SPAG17: variants seen among roughly 807,000 people sequenced by gnomAD.
SPAG17 encodes sperm-associated antigen 17.
A neutral mutation model predicts 273.6 loss-of-function variants in SPAG17; 169 were observed. That is an observed-to-expected ratio of 0.62 (90% CI 0.55 to 0.70). SPAG17 has a LOEUF of 0.70. SPAG17 is among the 30% of genes least tolerant of loss of function. The pLI, the probability that SPAG17 is intolerant of heterozygous loss-of-function variation, is 0.00. For missense variants in SPAG17, 2,557 were observed against 2,627.8 expected, an observed-to-expected ratio of 0.97 and a Z score of 0.59; for synonymous variants, 825 against 873.2, an observed-to-expected ratio of 0.94 and a Z score of 0.97.
chr1:118,143,676 A>C lies in SPAG17; in HGVS notation c.315+6867T>G, dbSNP rs1461569372. Among the ~76,000 whole-genome samples the C allele has an allele frequency of 2.0e-5, 3 of 152,222 alleles. No individual in the cohort carries two copies. In the East Asian group the frequency reaches 5.8e-4, roughly 29 times the overall value. ...CCATATGTAATTATTGATTTTTCAC[A>C]GTTTTAAATACAGAAACAGAATGAT... On this transcript the variant is annotated intron_variant, in intron 3 of 48. Coordinates refer to ENST00000336338, the MANE Select transcript of SPAG17 (RefSeq NM_206996.4).
Position 118,074,560 on chromosome 1 carries a change from T to G in SPAG17, c.2250A>C (p.Thr750=). Residue 750 remains threonine, a synonymous_variant, in exon 16 of 49, where the codon ACA becomes ACC. Coordinates refer to ENST00000336338, the MANE Select transcript of SPAG17 (RefSeq NM_206996.4). ...TTACCTTTTCATGAGAATCAGCCTT[T>G]GTGACTGCATCATCTTTGATCTCAT... ...TNNEIKDDAV[T]KADSHEKKPK... 1 of 1,613,792 alleles carries G rather than the reference T, an allele frequency of 6.2e-7. No homozygotes were observed. Among genetic ancestry groups the G allele is most frequent in the Non-Finnish European group, 8.5e-7 (1 of 1,179,796 alleles).
chr1:118,118,134 G>C (rs564093156), intron 3 of SPAG17, among the ~76,000 whole-genome samples: 37 of 152,308 alleles, frequency 2.4e-4, no homozygotes, highest in Non-Finnish European at 5.9e-5. Context: ...ACAAGTTTTT[G>C]AGGGAAGAAA....
At chr1:118,174,491 C>A (rs1303827394) in intron 1 of SPAG17, among the ~76,000 whole-genome samples, 5 of 151,998 alleles carry the variant, frequency 3.3e-5, no homozygotes, top group African/African-American at 9.7e-5. Context: ...AGGGATACCA[C>A]CAGGCAGACC....
chr1:118,092,931 A>G (rs1278116254), intron 8 of SPAG17, among the ~76,000 whole-genome samples: 1 of 152,192 alleles, frequency 6.6e-6, no homozygotes, highest in Non-Finnish European at 1.5e-5. Flanking sequence ...GATGTTATTC[A>G]TTGTACCAAG....
chr1:118,036,261 C>T (rs1571304496), intron 24 of SPAG17, among the ~76,000 whole-genome samples: 1 of 152,056 alleles, frequency 6.6e-6, no homozygotes, highest in South Asian at 2.1e-4. Flanking sequence ...AGAAATCTTT[C>T]AATATGTCCA....
intron 1 of SPAG17, among the ~76,000 whole-genome samples, chr1:118,161,767 C>T (rs1467928345): frequency 6.6e-6 from 1 of 152,184 alleles, no homozygotes; most frequent in Non-Finnish European, 1.5e-5. Flanking sequence ...GATCTCCTGA[C>T]CTCATGATCT....
intron 43 of SPAG17, 67 bp downstream of exon 43, chr1:117,981,203 C>T: frequency 6.8e-7 from 1 of 1,468,852 alleles, no homozygotes; most frequent in South Asian, 1.5e-5. Context: ...CTAGCGCCAT[C>T]TCCCATATGC....
At position 117,983,807 on chromosome 1, in the gene SPAG17, T is replaced by C. The variant is rs758399232; in HGVS notation, c.5872+4A>G. 8 of 1,586,696 alleles carry C rather than the reference T, an allele frequency of 5.0e-6. No individual in the cohort carries two copies. The Middle Eastern group carries it at 5.0e-4, about 99-fold the overall frequency. On this transcript the variant is annotated splice_donor_region_variant and intron_variant, in intron 42 of 48. Transcript: ENST00000336338. Reference sequence around the variant, plus strand: ...TAGGAATATGTGCTATGCTAACATATTACCTAGATTAAGATCAGATGTATC... The same window carrying C: ...TAGGAATATGTGCTATGCTAACATACTACCTAGATTAAGATCAGATGTATC...
intron 46 of SPAG17, among the ~76,000 whole-genome samples, chr1:117,967,783 G>A (rs1041783776): frequency 1.3e-5 from 2 of 152,200 alleles, no homozygotes; most frequent in African/African-American, 4.8e-5. Context: ...AGCCAGCAAA[G>A]AGAGAGCTAT....
chr1:118,179,116 G>A (rs745350470), intron 1 of SPAG17, among the ~76,000 whole-genome samples: 3 of 151,846 alleles, frequency 2.0e-5, no homozygotes, highest in Non-Finnish European at 2.9e-5. Context: ...AATTTACATG[G>A]AACCACACAA....
chr1:118,184,843 G>C (rs1474425113), intron 1 of SPAG17, among the ~76,000 whole-genome samples: 3 of 152,174 alleles, frequency 2.0e-5, no homozygotes, highest in Non-Finnish European at 4.4e-5. Context: ...TTCCCCACTA[G>C]GCAGTTCTCA....
Position 118,151,338 on chromosome 1 carries a change from A to G in SPAG17, c.119T>C (p.Val40Ala), listed in dbSNP as rs1237148855. 1.2e-6 allele frequency: 2 copies of G among 1,612,818 alleles called. No homozygotes were observed. Among genetic ancestry groups the G allele is most frequent in the South Asian group, 1.1e-5 (1 of 90,856 alleles). The change falls in exon 2 of 49, where the codon GTT becomes GCT. Residue 40 changes from valine (V) to alanine (A), a missense_variant. Physicochemically the swap from Val to Ala is moderately conservative, Grantham distance 64. Transcript: ENST00000336338. ...AAGATCATCTTCAATCTGGTTCCCA[A>G]CCACAAAAGCAATGGAGGCCTGCCA... ...NDWQASIAFV[V>A]GNQIEDDLLI...
intron 28 of SPAG17, among the ~76,000 whole-genome samples, chr1:118,022,546 T>C (rs1405828438): frequency 1.3e-5 from 2 of 152,182 alleles, no homozygotes; most frequent in Admixed American, 1.3e-4. Context: ...AGAATGATAA[T>C]ATCTGGCATT....
Position 118,041,955 on chromosome 1 carries a change from T to G in SPAG17, c.2902A>C (p.Lys968Gln). 6.2e-7 allele frequency: 1 copy of G among 1,614,044 alleles called. No homozygotes were observed. Among genetic ancestry groups the G allele is most frequent in the Non-Finnish European group, 8.5e-7 (1 of 1,179,934 alleles). Residue 968 changes from lysine (K) to glutamine (Q), a missense_variant, in exon 21 of 49, where the codon AAA becomes CAA. Coordinates refer to ENST00000336338, the MANE Select transcript of SPAG17 (RefSeq NM_206996.4). Reference sequence around the variant, plus strand: ...TCTGCGTTATCCTTGCCTTTCTTTTTACCAGCTTCTTTACCCTTCTTCTCT... The same window carrying G: ...TCTGCGTTATCCTTGCCTTTCTTTTGACCAGCTTCTTTACCCTTCTTCTCT... ...KAEKKGKEAGKKKGKDNAEKE... is the reference protein window; with the variant it reads ...KAEKKGKEAGQKKGKDNAEKE...
intron 32 of SPAG17, among the ~76,000 whole-genome samples, chr1:118,003,546 A>T (rs1658546983): frequency 6.6e-6 from 1 of 151,468 alleles, no homozygotes; most frequent in African/African-American, 2.4e-5. Context: ...TTCTTTTCTC[A>T]CTTTATTTCA....
At position 118,055,823 on chromosome 1, in the gene SPAG17, T is replaced by C. The variant is rs771554280; in HGVS notation, c.2632A>G (p.Ile878Val). The change falls in exon 19 of 49, where the codon ATC becomes GTC. Residue 878 changes from isoleucine (I) to valine (V), a missense_variant. By Grantham distance (29) the Ile-to-Val change is conservative (BLOSUM62 3). Coordinates refer to ENST00000336338, the MANE Select transcript of SPAG17 (RefSeq NM_206996.4). Reference sequence around the variant, plus strand: ...AATTCCAGCTCAGCTCTGGTCCTGATGATTTTCTCATTCATTTTAGATTCC... The same window carrying C: ...AATTCCAGCTCAGCTCTGGTCCTGACGATTTTCTCATTCATTTTAGATTCC... ...YQESKMNEKI[I>V]RTRAELELKS... 6.2e-7 allele frequency: 1 copy of C among 1,613,232 alleles called. No individual in the cohort carries two copies. The highest frequency in any genetic ancestry group is 8.5e-7 in the Non-Finnish European group (1 of 1,179,628).
intron 1 of SPAG17, among the ~76,000 whole-genome samples, chr1:118,182,277 CA>C (rs1448819383): frequency 1.3e-5 from 2 of 151,942 alleles, no homozygotes; most frequent in Admixed American, 6.6e-5. Context: ...TGGCAGCTTC[CA>C]GGGGGTGAGG....
intron 1 of SPAG17, among the ~76,000 whole-genome samples, chr1:118,161,673 G>T (rs2102372951): frequency 6.6e-6 from 1 of 152,264 alleles, no homozygotes; most frequent in Middle Eastern, 3.4e-3. Flanking sequence ...GAGTAGCTGG[G>T]ACTACAGGCG....
chr1:117,971,801 C>A lies in SPAG17; in HGVS notation c.6326+62G>T. On this transcript the variant is annotated intron_variant, in intron 45 of 48. Transcript: ENST00000336338. ...ATAAACATTTATTGATGGAGGTGAC[C>A]AAAGACAAGTCACAGGGTAGGGAAA... is the stretch of plus-strand genomic sequence containing the variant. The A allele has an allele frequency of 2.8e-6, 4 of 1,432,044 alleles. No individual in the cohort carries two copies. The South Asian group carries it at 5.5e-5, about 20-fold the overall frequency. 88.7% of individuals were successfully genotyped at this position (1,432,044 alleles called of 1,614,324 possible).
Sources: gnomAD v4.1 joint callset for allele counts (sites outside exome capture counted in the v4.1 genomes callset) on GRCh38, gnomAD v4.1.1 for gene constraint, MANE v1.5 for transcripts, NCBI Gene and HGNC (gene_info 2026-07-23, HGNC 2026-07-21) for gene names.